The following PXDN variants were observed in gnomAD, a reference collection of about 807,000 sequenced individuals.
PXDN encodes peroxidasin, also known as peroxidasin homolog.
A neutral mutation model predicts 140.3 loss-of-function variants in PXDN; 77 were observed. The ratio of observed to expected loss-of-function variants is 0.55; its 90% CI spans 0.46 to 0.66. The LOEUF (loss-of-function observed/expected upper bound fraction) is 0.66, where lower values mean the gene tolerates loss of function less well. Ranked by LOEUF, PXDN falls within the 30% of genes least tolerant of loss-of-function variation. PXDN has a pLI of 0.00. For synonymous variants in PXDN, 911 were observed against 857.4 expected (o/e 1.06, Z -1.09); for missense variants, 1,838 against 2,039.5 (o/e 0.90, Z 1.90).
intron 1 of PXDN, among the ~76,000 whole-genome samples, chr2:1,699,124 T>C (rs1259875478): frequency 6.6e-6 from 1 of 152,152 alleles, no homozygotes; most frequent in Non-Finnish European, 1.5e-5. Flanking sequence ...AACCACAGAA[T>C]AGTTGAAGGT....
At position 1,649,424 on chromosome 2, in the gene PXDN, G is replaced by C; in HGVS notation, c.2356C>G (p.Leu786Val). ...NTPRGINPHR[L>V]YNGHALPMPR... ...ATGGGAAGGGCGTGCCCGTTGTACA[G>C]TCGGTGGGGGTTGATGCCCCGAGGG... The change falls in exon 17 of 23, where the codon CTG becomes GTG. Residue 786 changes from leucine to valine, a missense_variant. This residue lies in a region of PXDN where 537 missense variants were observed against 583.9 expected (regional missense o/e 0.92). Coordinates refer to ENST00000252804, the MANE Select transcript of PXDN (RefSeq NM_012293.3). This position sits in a 1 kb window ranked among gnomAD's most constrained non-coding sequence, Gnocchi z 7.1. The C allele has an allele frequency of 6.2e-7, 1 of 1,614,008 alleles. No homozygotes were observed. Among genetic ancestry groups the C allele is most frequent in the Non-Finnish European group, 8.5e-7 (1 of 1,179,892 alleles).
chr2:1,741,365 C>T (rs887118166), intron 1 of PXDN, among the ~76,000 whole-genome samples: 6 of 152,130 alleles, frequency 3.9e-5, no homozygotes, highest in Admixed American at 3.9e-4. Flanking sequence ...GTAAGGCCTC[C>T]AGAGGGGAGG....
In PXDN at chr2:1,638,928, G is replaced by C. The variant is rs61747875; in HGVS notation, c.4124C>G (p.Thr1375Arg). The C allele has an allele frequency of 1.5e-5, 24 of 1,613,852 alleles. No individual in the cohort carries two copies. The highest frequency in any genetic ancestry group is 7.7e-5 in the South Asian group (7 of 91,086). ...ATTTGTCCCAGATGCATCTGAGCGT[G>C]TGCTGAAGGCTGAGGTGCTGTTGCT... ...HLSNSTSAFS[T>R]RSDASGTNDF... is the part of the protein sequence containing the mutation. The change falls in exon 21 of 23, where the codon ACA becomes AGA. Residue 1375 changes from threonine (T) to arginine (R), a missense_variant. Thr to Arg is a moderately conservative substitution (Grantham distance 71, BLOSUM62 -1). Around this residue, in one of 5 missense-constraint regions of PXDN, gnomAD observed 850 missense variants for 894.1 expected, o/e 0.95. Transcript: ENST00000252804.
intron 3 of PXDN, among the ~76,000 whole-genome samples, chr2:1,688,553 G>A (rs1245275843): frequency 2.6e-5 from 4 of 152,066 alleles, no homozygotes; most frequent in Admixed American, 2.0e-4. Flanking sequence ...GACATGACTC[G>A]CCTTCAGCCA....
At chr2:1,711,113 C>G (rs1187912699) in intron 1 of PXDN, among the ~76,000 whole-genome samples, 1 of 99,156 alleles carries the variant, frequency 1.0e-5, no homozygotes, top group Non-Finnish European at 2.1e-5. Flanking sequence ...ACCCACTCCA[C>G]CAGCACCCAC....
rs892626373 is a variant in PXDN, at chr2:1,649,491, G to C, written c.2289C>G (p.Phe763Leu). 1.2e-6 allele frequency: 2 copies of C among 1,614,012 alleles called. No individual in the cohort carries two copies. The highest frequency in any genetic ancestry group is 1.3e-5 in the African/African-American group (1 of 75,054). Residue 763 changes from phenylalanine (F) to leucine (L), a missense_variant, in exon 17 of 23, where the codon TTC becomes TTG. Around this residue, in one of 5 missense-constraint regions of PXDN, gnomAD observed 537 missense variants for 583.9 expected, o/e 0.92. Transcript: ENST00000252804. The surrounding 1 kb of genome is among the most constrained non-coding windows in gnomAD (Gnocchi z 7.1). The part of the protein sequence containing the change: ...HPMWGASLTA[F>L]ERLLKSVYEN... ...CGTACACGGATTTCAGCAGGCGCTC[G>C]AAGGCGGTCAGCGAGGCGCCCCACA... is the stretch of plus-strand genomic sequence containing the variant.
chr2:1,652,169 G>A (rs774000307), intron 16 of PXDN, among the ~76,000 whole-genome samples: 10 of 152,160 alleles, frequency 6.6e-5, no homozygotes, highest in Non-Finnish European at 1.0e-4. Flanking sequence ...CCAACAGCCT[G>A]CCTTTGAGGA....
chr2:1,653,396 A>G (rs778898498), intron 16 of PXDN: 6 of 617,116 alleles, frequency 9.7e-6, no homozygotes, highest in Non-Finnish European at 1.7e-5. Context: ...CTGTAGCCTG[A>G]TCAGCACTCC....
rs573842490 is a variant in PXDN at position 1,696,134 on chromosome 2, T to C, written c.201-3000A>G. ...AACATAAATATATCTTCGATAAAAT[T>C]TTATATTGAGTGCATGCTGAAACAT... is the stretch of plus-strand genomic sequence containing the variant. On this transcript the variant is annotated intron_variant, in intron 1 of 22. Transcript: ENST00000252804. 9.9e-4 allele frequency among the ~76,000 whole-genome samples: 151 copies of C among 152,366 alleles called. 1 individual carries two copies. Among genetic ancestry groups the C allele is most frequent in the African/African-American group, 3.3e-3 (139 of 41,586 alleles).
intron 1 of PXDN, among the ~76,000 whole-genome samples, chr2:1,716,586 G>A (rs1392517366): frequency 6.6e-6 from 1 of 152,086 alleles, no homozygotes; most frequent in Non-Finnish European, 1.5e-5. Flanking sequence ...GGGCAGGCTG[G>A]GCACAGGGAC....
chr2:1,699,526 T>C (rs1572169375), intron 1 of PXDN, among the ~76,000 whole-genome samples: 1 of 152,104 alleles, frequency 6.6e-6, no homozygotes. Context: ...CTAGCCAACA[T>C]GGTGAAACCC....
chr2:1,661,965 G>A, intron 13 of PXDN, 107 bp downstream of exon 13: 1 of 940,732 alleles, frequency 1.1e-6, no homozygotes, highest in Non-Finnish European at 1.6e-6. Flanking sequence ...GGAGGCTGGG[G>A]CGTGGGCACT....
chr2:1,659,193 T>C (rs886852700), intron 14 of PXDN, among the ~76,000 whole-genome samples: 1 of 152,260 alleles, frequency 6.6e-6, no homozygotes, highest in Non-Finnish European at 1.5e-5. Flanking sequence ...ATCTCCAGCC[T>C]GATTTATTTC....
chr2:1,674,426 T>C (rs1182694914), intron 8 of PXDN, among the ~76,000 whole-genome samples: 1 of 152,166 alleles, frequency 6.6e-6, no homozygotes, highest in Non-Finnish European at 1.5e-5. Flanking sequence ...CCCTCTGGGA[T>C]CTGGGAGGAA....
Position 1,744,284 on chromosome 2 carries a change from G to A in PXDN, c.172C>T (p.Pro58Ser). ...ATGGAGGTCTGCGGCGCCACGGCGG[G>A]CACGGCCTCCAGCAGCAGATGCATG... ...RCMHLLLEAVPAVAPQTSILD... is the reference protein window; with the variant it reads ...RCMHLLLEAVSAVAPQTSILD... Residue 58 changes from proline to serine, a missense_variant, in exon 1 of 23, where the codon CCC becomes TCC. By Grantham distance (74) the Pro-to-Ser change is moderately conservative. Transcript: ENST00000252804. The A allele has an allele frequency of 6.6e-7, 1 of 1,520,044 alleles. No homozygotes were observed. Among genetic ancestry groups the A allele is most frequent in the Non-Finnish European group, 8.8e-7 (1 of 1,139,930 alleles). The allele number at this position is 1,520,044 out of a possible 1,614,324, so 94.2% of individuals were successfully genotyped here. A position where few individuals can be genotyped will look rare whatever the true frequency, so the allele number is the denominator to read the frequency against.
At position 1,660,844 on chromosome 2, in the gene PXDN, A is replaced by G. The variant is rs1178040362; in HGVS notation, c.1837+37T>C. The G allele has an allele frequency of 1.9e-6, 3 of 1,584,084 alleles. No individual in the cohort carries two copies. The African/African-American group carries it at 4.1e-5, about 21-fold the overall frequency. ...AGGGACCTGCGGGCTTTCTTTGTGG[A>G]TACCATGTGGGTAGATGTGGGCATG... On this transcript the variant is annotated intron_variant, in intron 14 of 22. Transcript: ENST00000252804. The surrounding 1 kb of genome is among the most constrained non-coding windows in gnomAD (Gnocchi z 4.6).
In PXDN at chr2:1,648,540, C is replaced by T; in HGVS notation, c.3240G>A (p.Leu1080=). The T allele has an allele frequency of 6.2e-7, 1 of 1,613,636 alleles. No individual in the cohort carries two copies. The highest frequency in any genetic ancestry group is 8.5e-7 in the Non-Finnish European group (1 of 1,179,888). The change falls in exon 17 of 23, where the codon CTG becomes CTA. Residue 1080 remains leucine (L), a synonymous_variant. Coordinates refer to ENST00000252804, the MANE Select transcript of PXDN (RefSeq NM_012293.3). This position sits in a 1 kb window ranked among gnomAD's most constrained non-coding sequence, Gnocchi z 8.9. ...GGAAGTTCTCGTCCAGCCGGTAAAGCAGTGGGTTGACAAGCGTGTGGCCAA... is the reference window on the plus strand; with the variant it reads ...GGAAGTTCTCGTCCAGCCGGTAAAGTAGTGGGTTGACAAGCGTGTGGCCAA... ...FRFGHTLVNP[L]LYRLDENFQP... is the part of the protein sequence containing the mutation.
At chr2:1,679,919 T>C (rs1020669772) in intron 7 of PXDN, among the ~76,000 whole-genome samples, 1 of 124,870 alleles carries the variant, frequency 8.0e-6, no homozygotes, top group Admixed American at 8.3e-5. Context: ...GGTGTGTGTG[T>C]GGATGGTGTG....
At position 1,666,162 on chromosome 2, in the gene PXDN, G is replaced by C; in HGVS notation, c.1291+52C>G. The C allele has an allele frequency of 1.9e-6, 3 of 1,596,320 alleles. No individual in the cohort carries two copies. In the South Asian group the frequency reaches 3.3e-5, roughly 18 times the overall value. Reference sequence around the variant, plus strand: ...GGGTATGGCAGCGCGAGCTAGTGGAGGGGTGAGGATGGGGCTGAGCCCTGG... The same window carrying C: ...GGGTATGGCAGCGCGAGCTAGTGGACGGGTGAGGATGGGGCTGAGCCCTGG... On this transcript the variant is annotated intron_variant, in intron 10 of 22. Transcript: ENST00000252804.
Sources: gnomAD v4.1 joint callset for allele counts (sites outside exome capture counted in the v4.1 genomes callset) on GRCh38, gnomAD v4.1.1 for gene constraint, gnomAD v4.1.1 regional missense constraint, Gnocchi (gnomAD v3.1) non-coding constraint, MANE v1.5 for transcripts, NCBI Gene and HGNC (gene_info 2026-07-23, HGNC 2026-07-21) for gene names.